Variants in KHDRBS2 observed in about 807,000 individuals in gnomAD.
KHDRBS2 encodes KH RNA binding domain containing, signal transduction associated 2.
KHDRBS2 carries 26 observed loss-of-function variants against 44.3 expected under a neutral mutation model. The ratio of observed to expected loss-of-function variants is 0.59; its 90% CI spans 0.43 to 0.81. The LOEUF is 0.81. Among genes scored for constraint, KHDRBS2 ranks in the 40% least tolerant of loss-of-function variants. The probability of loss-of-function intolerance (pLI) is 0.00; values close to 1 mark genes in which losing one functional copy is unlikely to be tolerated. For synonymous variants in KHDRBS2, 194 were observed against 151.1 expected, an observed-to-expected ratio of 1.28 and a Z score of -2.08; for missense variants, 476 against 433.1, an observed-to-expected ratio of 1.10 and a Z score of -0.88.
chr6:62,177,105 T>C (rs560670524), intron 2 of KHDRBS2, 80 bp downstream of exon 2: 58 of 852,480 alleles, frequency 6.8e-5, no homozygotes, highest in Middle Eastern at 3.6e-4. Context: ...ATTTATTTTA[T>C]AAAAGTGAAT....
intron 6 of KHDRBS2, among the ~76,000 whole-genome samples, chr6:61,791,974 T>C (rs1454258048): frequency 6.6e-6 from 1 of 151,502 alleles, no homozygotes; most frequent in Non-Finnish European, 1.5e-5. Flanking sequence ...TCATGGTCTG[T>C]GTGTTTCTTT....
chr6:62,066,153 A>C (rs1451928388), intron 2 of KHDRBS2, among the ~76,000 whole-genome samples: 2 of 151,756 alleles, frequency 1.3e-5, no homozygotes. Context: ...AGTGAAAACT[A>C]TTATATTAAC....
At chr6:61,752,617 G>A (rs1293040744) in intron 6 of KHDRBS2, among the ~76,000 whole-genome samples, 1 of 133,876 alleles carries the variant, frequency 7.5e-6, no homozygotes, top group African/African-American at 2.8e-5. Flanking sequence ...CACTTGACAT[G>A]TATGTTTTGA....
chr6:62,075,121 TG>T lies in KHDRBS2; in HGVS notation c.220-27128del, dbSNP rs200400257. Among the ~76,000 whole-genome samples, 472 of 152,038 alleles carry T rather than the reference TG, an allele frequency of 3.1e-3. 7 individuals are homozygous for T. Among genetic ancestry groups the T allele is most frequent in the Admixed American group, 0.028 (430 of 15,226 alleles). ...TGCTTATGTTTTAACTCTTATGCTATGGTCTGAATGTTTGTGTCCTCCCAAA... is the reference window on the plus strand; with the variant it reads ...TGCTTATGTTTTAACTCTTATGCTATGTCTGAATGTTTGTGTCCTCCCAAA... On this transcript the variant is annotated intron_variant, in intron 2 of 8. Coordinates refer to ENST00000281156, the MANE Select transcript of KHDRBS2 (RefSeq NM_152688.4).
At chr6:61,850,634 AAC>A (rs1431934922) in intron 6 of KHDRBS2, among the ~76,000 whole-genome samples, 6 of 152,200 alleles carry the variant, frequency 3.9e-5, no homozygotes, top group Admixed American at 2.6e-4. Context: ...ATTTATGTAA[AAC>A]ACACAGAGAA....
At chr6:61,753,056 C>T (rs1777956678) in intron 6 of KHDRBS2, among the ~76,000 whole-genome samples, 1 of 152,138 alleles carries the variant, frequency 6.6e-6, no homozygotes, top group African/African-American at 2.4e-5. Flanking sequence ...ATTTGTATCA[C>T]ACAACCAGCT....
intron 4 of KHDRBS2, among the ~76,000 whole-genome samples, chr6:61,962,105 A>G (rs1269077782): frequency 6.6e-6 from 1 of 152,052 alleles, no homozygotes; most frequent in Non-Finnish European, 1.5e-5. Context: ...GCAATCTTCA[A>G]TAAACACTAT....
intron 4 of KHDRBS2, among the ~76,000 whole-genome samples, chr6:61,967,408 TAGA>T (rs754403774): frequency 4.0e-5 from 6 of 151,598 alleles, no homozygotes; most frequent in Non-Finnish European, 7.4e-5. Context: ...AGATGATAGA[TAGA>T]TAGACAGATA....
At chr6:61,955,138 A>G (rs1241481964) in intron 4 of KHDRBS2, among the ~76,000 whole-genome samples, 2 of 145,138 alleles carry the variant, frequency 1.4e-5, no homozygotes, top group East Asian at 2.1e-4. Flanking sequence ...ACATATGTAT[A>G]TACACATACG....
intron 1 of KHDRBS2, among the ~76,000 whole-genome samples, chr6:62,209,036 A>G (rs542009721): frequency 3.3e-5 from 5 of 152,308 alleles, no homozygotes; most frequent in Admixed American, 3.3e-4. Flanking sequence ...TCTGCACAAC[A>G]AAGGAAACAA....
At chr6:62,252,806 A>T (rs1320882328) in intron 1 of KHDRBS2, among the ~76,000 whole-genome samples, 1 of 152,010 alleles carries the variant, frequency 6.6e-6, no homozygotes, top group Non-Finnish European at 1.5e-5. Context: ...AGAATTTTCC[A>T]GTTTCTCTTC....
intron 7 of KHDRBS2, among the ~76,000 whole-genome samples, chr6:61,707,243 G>A (rs1246198232): frequency 6.6e-6 from 1 of 151,702 alleles, no homozygotes; most frequent in Non-Finnish European, 1.5e-5. Context: ...AAGCAAGAGA[G>A]AGTTGCAGAT....
At chr6:61,808,880 ATAAT>A (rs1787619425) in intron 6 of KHDRBS2, among the ~76,000 whole-genome samples, 1 of 151,990 alleles carries the variant, frequency 6.6e-6, no homozygotes, top group African/African-American at 2.4e-5. Context: ...CAAAATACAA[ATAAT>A]TATATAAAAG....
intron 6 of KHDRBS2, among the ~76,000 whole-genome samples, chr6:61,775,308 A>C (rs1220076796): frequency 6.6e-6 from 1 of 152,134 alleles, no homozygotes; most frequent in Non-Finnish European, 1.5e-5. Flanking sequence ...CAAGCAGCAG[A>C]AGGAAATAAA....
At chr6:61,602,174 C>T in the KHDRBS2 span, among the ~76,000 whole-genome samples, 1 of 152,154 alleles carries the variant, frequency 6.6e-6, no homozygotes, top group Non-Finnish European at 1.5e-5. Context: ...AATCCCACAA[C>T]AGGACTTAAT....
At chr6:62,278,960 G>T (rs1841401535) in intron 1 of KHDRBS2, among the ~76,000 whole-genome samples, 1 of 152,118 alleles carries the variant, frequency 6.6e-6, no homozygotes, top group African/African-American at 2.4e-5. Context: ...CAGGCGTGGT[G>T]GCGGGTGCCT....
chr6:62,119,161 C>T (rs1562906174), intron 2 of KHDRBS2, among the ~76,000 whole-genome samples: 2 of 152,250 alleles, frequency 1.3e-5, no homozygotes, highest in East Asian at 1.9e-4. Flanking sequence ...AAGGACTCTA[C>T]TTCTAATATT....
chr6:62,179,909 C>G lies in KHDRBS2; in HGVS notation c.92-2597G>C, dbSNP rs549509617. 8.6e-5 allele frequency among the ~76,000 whole-genome samples: 13 copies of G among 151,842 alleles called. No individual in the cohort carries two copies. In the South Asian group the frequency reaches 2.5e-3, roughly 29 times the overall value. On this transcript the variant is annotated intron_variant, in intron 1 of 8. Coordinates refer to ENST00000281156, the MANE Select transcript of KHDRBS2 (RefSeq NM_152688.4). ...TACTTTCAGGGAGTTATCTTGTCTT[C>G]TTTGGCATATCTCCATGACTAATAG...
At chr6:61,667,350 T>A in the KHDRBS2 span, among the ~76,000 whole-genome samples, 2 of 151,202 alleles carry the variant, frequency 1.3e-5, no homozygotes, top group Non-Finnish European at 3.0e-5. Flanking sequence ...TGTCTCACAT[T>A]TTTAATTAAT....
Sources: gnomAD v4.1 joint callset for allele counts (sites outside exome capture counted in the v4.1 genomes callset) on GRCh38, gnomAD v4.1.1 for gene constraint, MANE v1.5 for transcripts, NCBI Gene and HGNC (gene_info 2026-07-23, HGNC 2026-07-21) for gene names.